Variants in ST18 observed in about 807,000 individuals in gnomAD.
The protein encoded by ST18 is suppression of tumorigenicity 18 protein.
A neutral mutation model predicts 110.0 loss-of-function variants in ST18; 50 were observed. That is an observed-to-expected ratio of 0.45 (90% CI 0.36 to 0.58). The LOEUF is 0.58. Among genes scored for constraint, ST18 ranks in the 20% least tolerant of loss-of-function variants. The pLI is 0.00. For synonymous variants in ST18, 461 were observed against 452.4 expected (o/e 1.02, Z -0.24); for missense variants, 1,306 against 1,280.1 (o/e 1.02, Z -0.31).
intron 17 of ST18, among the ~76,000 whole-genome samples, chr8:52,139,089 G>T (rs1341437507): frequency 1.3e-5 from 2 of 150,004 alleles, no homozygotes; most frequent in African/African-American, 5.0e-5. Context: ...TCCTGGATAA[G>T]ATAACAGAAA....
At chr8:52,199,057 G>C (rs948389670) in intron 8 of ST18, 6 of 152,082 alleles carry the variant, frequency 3.9e-5, no homozygotes, top group African/African-American at 1.4e-4. Flanking sequence ...AGTGGAGGTG[G>C]AAGTTGCCAT....
chr8:52,347,332 T>C (rs1010825601), intron 2 of ST18, among the ~76,000 whole-genome samples: 2 of 152,114 alleles, frequency 1.3e-5, no homozygotes, highest in Non-Finnish European at 2.9e-5. Context: ...TCTGAAAGTA[T>C]AAATTGATGA....
chr8:52,272,174 G>C (rs2095096639), intron 2 of ST18, among the ~76,000 whole-genome samples: 1 of 152,076 alleles, frequency 6.6e-6, no homozygotes, highest in Admixed American at 6.6e-5. Context: ...AACACCAAAA[G>C]TACAGGCAAC....
At chr8:52,199,527 T>C (rs2077255757) in intron 8 of ST18, 1 of 152,200 alleles carries the variant, frequency 6.6e-6, no homozygotes, top group Non-Finnish European at 1.5e-5. Context: ...GTTATAAATA[T>C]AGAAATAAAC....
intron 2 of ST18, among the ~76,000 whole-genome samples, chr8:52,232,692 A>G (rs2091758027): frequency 6.6e-6 from 1 of 152,114 alleles, no homozygotes. Flanking sequence ...TATCTCTGTG[A>G]TAAAGCTTTT....
chr8:52,137,480 A>G lies in ST18; in HGVS notation c.2172T>C (p.Cys724=). ...ARDLKKELIT[C]PTPGCDGSGH... ...CACTTCCATCACATCCTGGTGTTGG[A>G]CAGCTGAGTCAATAGAAAATACATC... Residue 724 remains cysteine (C), a synonymous_variant, in exon 18 of 26, where the codon TGT becomes TGC. Transcript: ENST00000689386. The G allele has an allele frequency of 1.2e-6, 2 of 1,614,070 alleles. No homozygotes were observed. Among genetic ancestry groups the G allele is most frequent in the Admixed American group, 1.7e-5 (1 of 60,018 alleles).
Position 52,169,634 on chromosome 8 carries a change from CTT to C in ST18, c.1069+2156_1069+2157del, listed in dbSNP as rs146299006. ...GGCTGTCAGTTGGGATAAGCATTGACTTAACAGCATGGAGTGCATGTCAGAGA... is the reference window on the plus strand; with the variant it reads ...GGCTGTCAGTTGGGATAAGCATTGACAACAGCATGGAGTGCATGTCAGAGA... On this transcript the variant is annotated intron_variant, in intron 10 of 25. Coordinates refer to ENST00000689386, the MANE Select transcript of ST18 (RefSeq NM_001352837.2). 9.7e-3 allele frequency among the ~76,000 whole-genome samples: 1,479 copies of C among 152,264 alleles called. 21 individuals carry two copies. Among genetic ancestry groups the C allele is most frequent in the African/African-American group, 0.034 (1,425 of 41,530 alleles).
chr8:52,330,418 C>T (rs1363605525), intron 2 of ST18, among the ~76,000 whole-genome samples: 1 of 152,200 alleles, frequency 6.6e-6, no homozygotes, highest in East Asian at 1.9e-4. Flanking sequence ...TAGGCCAATA[C>T]ACCTCTTTCA....
intron 22 of ST18, among the ~76,000 whole-genome samples, chr8:52,130,103 A>G (rs1321439670): frequency 9.4e-6 from 1 of 106,852 alleles, no homozygotes; most frequent in East Asian, 2.8e-4. Context: ...AAAAAGAAAG[A>G]AAGAAAGAAA....
rs1460479055 is a variant in ST18 at position 52,171,893 on chromosome 8, G to C, written c.968C>G (p.Thr323Ser). 6.2e-7 allele frequency: 1 copy of C among 1,614,150 alleles called. No homozygotes were observed. The highest frequency in any genetic ancestry group is 1.7e-5 in the Admixed American group (1 of 60,018). The change falls in exon 10 of 26, where the codon ACC becomes AGC. Residue 323 changes from threonine to serine, a missense_variant. Coordinates refer to ENST00000689386, the MANE Select transcript of ST18 (RefSeq NM_001352837.2). ...QAERGCVFHN[T>S]YKELDRFLLE... Reference sequence around the variant, plus strand: ...CAGGAACCTATCCAGCTCTTTGTAGGTGTTATGGAAAACACAACCTCGCTC... The same window carrying C: ...CAGGAACCTATCCAGCTCTTTGTAGCTGTTATGGAAAACACAACCTCGCTC...
intron 15 of ST18, among the ~76,000 whole-genome samples, chr8:52,157,816 G>A (rs368567665): frequency 3.5e-4 from 54 of 152,252 alleles, no homozygotes; most frequent in African/African-American, 1.2e-3. Flanking sequence ...TCTCCTGAAG[G>A]CCTGGCACAG....
At chr8:52,132,440 C>A (rs749318187) in intron 21 of ST18, among the ~76,000 whole-genome samples, 1 of 152,188 alleles carries the variant, frequency 6.6e-6, no homozygotes, top group Non-Finnish European at 1.5e-5. Flanking sequence ...CTCAGGTAAC[C>A]TGCCGCCCAT....
intron 2 of ST18, among the ~76,000 whole-genome samples, chr8:52,253,978 TGA>T (rs10547061): frequency 1.5e-3 from 219 of 149,706 alleles, no homozygotes; most frequent in South Asian, 7.7e-3. Flanking sequence ...TGTGAGAGAT[TGA>T]GAGAGAGAGA....
intron 6 of ST18, among the ~76,000 whole-genome samples, chr8:52,216,444 T>C (rs1390149975): frequency 1.3e-5 from 2 of 152,156 alleles, no homozygotes; most frequent in Non-Finnish European, 2.9e-5. Context: ...ATTCATAGAA[T>C]TAAGTTTTCA....
chr8:52,161,051 A>C (rs2133159503), intron 14 of ST18, among the ~76,000 whole-genome samples: 1 of 152,340 alleles, frequency 6.6e-6, no homozygotes, highest in East Asian at 1.9e-4. Context: ...CACATTTTTC[A>C]ATATAGTAAT....
At chr8:52,382,524 CT>C (rs1274679100) in intron 2 of ST18, among the ~76,000 whole-genome samples, 5 of 152,300 alleles carry the variant, frequency 3.3e-5, no homozygotes, top group Admixed American at 1.3e-4. Flanking sequence ...AAGGCATTTT[CT>C]CTTTTTTCTT....
chr8:52,315,635 A>G (rs910116443), intron 2 of ST18, among the ~76,000 whole-genome samples: 1 of 152,176 alleles, frequency 6.6e-6, no homozygotes, highest in Non-Finnish European at 1.5e-5. Context: ...CTAACCTTTT[A>G]CCTCCTTTGT....
At chr8:52,202,201 T>TA (rs2078220829) in intron 8 of ST18, among the ~76,000 whole-genome samples, 1 of 152,208 alleles carries the variant, frequency 6.6e-6, no homozygotes. Flanking sequence ...ACAGGCAGTT[T>TA]AAAGACAGTT....
At chr8:52,166,437 C>T (rs879539589) in intron 11 of ST18, among the ~76,000 whole-genome samples, 2 of 152,140 alleles carry the variant, frequency 1.3e-5, no homozygotes, top group Non-Finnish European at 2.9e-5. Flanking sequence ...GGGACAGCCC[C>T]TATGCCCTCG....
Sources: allele counts gnomAD v4.1 joint callset (sites outside exome capture counted in the v4.1 genomes callset), GRCh38; gene constraint gnomAD v4.1.1; transcripts MANE v1.5; gene names NCBI Gene and HGNC (gene_info 2026-07-23, HGNC 2026-07-21).